RBPMS: variants seen among roughly 807,000 people sequenced by gnomAD.
The protein encoded by RBPMS is RNA binding protein, mRNA processing factor.
In RBPMS, 7 loss-of-function variants were observed where a neutral mutation model predicts 26.8. That is an observed-to-expected ratio of 0.26 (90% CI 0.15 to 0.49). The LOEUF is 0.49. Ranked by LOEUF, RBPMS falls within the 20% of genes least tolerant of loss-of-function variation. The probability of loss-of-function intolerance (pLI) is 0.98; values close to 1 mark genes in which losing one functional copy is unlikely to be tolerated. For synonymous variants in RBPMS, 96 were observed against 93.3 expected (o/e 1.03, Z -0.17); for missense variants, 186 against 250.0 (o/e 0.74, Z 1.73).
chr8:30,504,412 C>T lies in RBPMS; in HGVS notation c.373C>T (p.Pro125Ser). Residue 125 changes from proline to serine, a missense_variant, in exon 5 of 9, where the codon CCT becomes TCT. Transcript: ENST00000397323. ...CAGTACTCCTCTGCCCAACACTGTACCTCAGTTCATTGCCAGAGAGCCATG... is the reference window on the plus strand; with the variant it reads ...CAGTACTCCTCTGCCCAACACTGTATCTCAGTTCATTGCCAGAGAGCCATG... The part of the protein sequence containing the change: ...NPSTPLPNTV[P>S]QFIAREPYEL... 1.2e-6 allele frequency: 2 copies of T among 1,614,122 alleles called. No individual in the cohort carries two copies. Among genetic ancestry groups the T allele is most frequent in the Admixed American group, 1.7e-5 (1 of 60,020 alleles).
chr8:30,558,746 T>G, intron 6 of RBPMS, 141 bp from the exon 7 acceptor site: 1 of 740,396 alleles, frequency 1.4e-6, no homozygotes, highest in Admixed American at 2.0e-5. Context: ...TTTCAGCCCC[T>G]TGGGGAAGAG....
intron 3 of RBPMS, 71 bp from the exon 4 acceptor site, chr8:30,479,237 AGTTTGAT>A: frequency 9.9e-7 from 1 of 1,006,020 alleles, no homozygotes; most frequent in Non-Finnish European, 1.6e-6. Context: ...TTAGCTCTTC[AGTTTGAT>A]GTCACCCTTG....
chr8:30,487,256 A>G (rs1312256152), intron 4 of RBPMS, among the ~76,000 whole-genome samples: 2 of 152,182 alleles, frequency 1.3e-5, no homozygotes, highest in African/African-American at 2.4e-5. Flanking sequence ...CTTTTAGTGA[A>G]TGATCACATC....
intron 1 of RBPMS, among the ~76,000 whole-genome samples, chr8:30,414,576 A>G (rs553219835): frequency 6.2e-4 from 94 of 152,352 alleles, no homozygotes; most frequent in Non-Finnish European, 6.6e-4. Context: ...TAGAAAGATC[A>G]GTACTAATCC....
At chr8:30,549,454 G>A in intron 6 of RBPMS, 1 of 1,500,046 alleles carries the variant, frequency 6.7e-7, no homozygotes, top group Non-Finnish European at 9.3e-7. Context: ...AGACATAAAT[G>A]AAATTGTTAA....
At chr8:30,487,539 CT>C (rs963365861) in intron 4 of RBPMS, among the ~76,000 whole-genome samples, 1 of 142,756 alleles carries the variant, frequency 7.0e-6, no homozygotes, top group Non-Finnish European at 1.6e-5. Context: ...TAAATGCAGG[CT>C]TTTTTTGCTT....
At chr8:30,434,515 C>A (rs1298277297) in intron 1 of RBPMS, among the ~76,000 whole-genome samples, 3 of 151,922 alleles carry the variant, frequency 2.0e-5, no homozygotes, top group African/African-American at 7.3e-5. Context: ...ACCAGCCTGG[C>A]CAAAGTGGAG....
At chr8:30,427,290 T>C (rs1811464932) in intron 1 of RBPMS, among the ~76,000 whole-genome samples, 1 of 152,214 alleles carries the variant, frequency 6.6e-6, no homozygotes. Context: ...GGACCCTGCT[T>C]TATTGGCCAT....
intron 6 of RBPMS, among the ~76,000 whole-genome samples, chr8:30,550,695 G>C (rs777418452): frequency 3.3e-5 from 5 of 152,206 alleles, no homozygotes; most frequent in Non-Finnish European, 5.9e-5. Flanking sequence ...CACCTGCCCT[G>C]CTCCTGGCAG....
At chr8:30,562,061 T>G in intron 7 of RBPMS, 2 of 984,438 alleles carry the variant, frequency 2.0e-6, no homozygotes, top group Middle Eastern at 5.2e-4. Context: ...CCAGGCGCAG[T>G]GCCTCACGCC....
At chr8:30,442,771 G>A (rs1369276966) in intron 1 of RBPMS, 1 of 152,070 alleles carries the variant, frequency 6.6e-6, no homozygotes, top group African/African-American at 2.4e-5. Flanking sequence ...CGAACCGGCT[G>A]TTGGAAGTGC....
intron 1 of RBPMS, among the ~76,000 whole-genome samples, chr8:30,448,223 T>G (rs146423081): frequency 6.6e-6 from 1 of 152,358 alleles, no homozygotes; most frequent in East Asian, 1.9e-4. Context: ...TAGCTGTATG[T>G]TGGGTAAGCA....
chr8:30,453,930 A>G (rs1319476702), intron 1 of RBPMS: 1 of 152,062 alleles, frequency 6.6e-6, no homozygotes, highest in East Asian at 1.9e-4. Flanking sequence ...AAAAATTCAT[A>G]CTCCTAAGCC....
intron 4 of RBPMS, among the ~76,000 whole-genome samples, chr8:30,486,300 A>G (rs1818759000): frequency 6.6e-6 from 1 of 151,970 alleles, no homozygotes; most frequent in Non-Finnish European, 1.5e-5. Flanking sequence ...AGATCGCACC[A>G]CTGCATTCCA....
chr8:30,410,429 T>C lies in RBPMS; in HGVS notation c.66+25271T>C, dbSNP rs570688602. Among the ~76,000 whole-genome samples, 12 of 151,310 alleles carry C rather than the reference T, an allele frequency of 7.9e-5. No individual in the cohort carries two copies. In the South Asian group the frequency reaches 1.5e-3, roughly 19 times the overall value. ...TTCACCATGTTAGCCAGGATGGTCT[T>C]GATCTCCTGACCTTGTCATCTGCCC... On this transcript the variant is annotated intron_variant, in intron 1 of 8. Transcript: ENST00000397323.
At chr8:30,520,262 C>T (rs1173441202) in intron 5 of RBPMS, among the ~76,000 whole-genome samples, 1 of 152,142 alleles carries the variant, frequency 6.6e-6, no homozygotes, top group Non-Finnish European at 1.5e-5. Context: ...TAATTCTTTT[C>T]CTTTCAGTGC....
intron 1 of RBPMS, among the ~76,000 whole-genome samples, chr8:30,471,633 G>T (rs1175354503): frequency 6.6e-6 from 1 of 152,120 alleles, no homozygotes; most frequent in Non-Finnish European, 1.5e-5. Flanking sequence ...TGGTATTCTC[G>T]CTCTGCCCAG....
At chr8:30,558,160 A>AT (rs369301360) in intron 6 of RBPMS, 2,479 of 143,436 alleles carry the variant, frequency 0.017, 53 homozygotes, top group African/African-American at 0.049. Flanking sequence ...CACCACACCC[A>AT]TTTTTTTTTT....
intron 1 of RBPMS, among the ~76,000 whole-genome samples, chr8:30,412,486 C>T (rs971027850): frequency 1.3e-5 from 2 of 151,918 alleles, no homozygotes; most frequent in East Asian, 1.9e-4. Context: ...CAGTCTCGCA[C>T]GTACTTTCCC....
Sources: allele counts gnomAD v4.1 joint callset (sites outside exome capture counted in the v4.1 genomes callset), GRCh38; gene constraint gnomAD v4.1.1; transcripts MANE v1.5; gene names NCBI Gene and HGNC (gene_info 2026-07-23, HGNC 2026-07-21).